CALN1: variants seen among roughly 807,000 people sequenced by gnomAD.
CALN1 encodes calcium-binding protein 8.
Under a neutral mutation model 30.6 loss-of-function variants are expected in CALN1, and 17 were observed. The observed-to-expected ratio is 0.56, with a 90% confidence interval of 0.38 to 0.83. CALN1 has a LOEUF of 0.83. Ranked by LOEUF, CALN1 falls within the 40% of genes least tolerant of loss-of-function variation. CALN1 has a pLI of 0.00. For synonymous variants in CALN1, 156 were observed against 131.4 expected, an observed-to-expected ratio of 1.19 and a Z score of -1.28; for missense variants, 291 against 354.9, an observed-to-expected ratio of 0.82 and a Z score of 1.45.
At chr7:72,360,386 G>A (rs1461992184) in intron 2 of CALN1, among the ~76,000 whole-genome samples, 1 of 151,926 alleles carries the variant, frequency 6.6e-6, no homozygotes, top group Non-Finnish European at 1.5e-5. Context: ...ATATACGGCT[G>A]TTTTTGGTAC....
At chr7:71,904,569 G>A (rs1441830428) in intron 5 of CALN1, among the ~76,000 whole-genome samples, 1 of 152,152 alleles carries the variant, frequency 6.6e-6, no homozygotes, top group East Asian at 1.9e-4. Flanking sequence ...GAGATGGGGA[G>A]ATACTGGTGA....
At chr7:72,151,081 C>T (rs1048629671) in intron 3 of CALN1, among the ~76,000 whole-genome samples, 7 of 152,152 alleles carry the variant, frequency 4.6e-5, no homozygotes, top group African/African-American at 1.7e-4. Context: ...GTAAGACGAT[C>T]CTGTATCCAT....
intron 3 of CALN1, among the ~76,000 whole-genome samples, chr7:72,262,373 C>A (rs995298369): frequency 3.3e-5 from 5 of 151,936 alleles, no homozygotes; most frequent in Non-Finnish European, 7.4e-5. Context: ...TTTTTAGATT[C>A]GGGGGTAACC....
chr7:72,289,160 C>T (rs1350137688), intron 2 of CALN1, among the ~76,000 whole-genome samples: 1 of 152,128 alleles, frequency 6.6e-6, no homozygotes, highest in Non-Finnish European at 1.5e-5. Context: ...ACTTGCTGTT[C>T]ACCTATTCAT....
intron 2 of CALN1, among the ~76,000 whole-genome samples, chr7:72,394,310 C>T (rs1339513784): frequency 6.6e-6 from 1 of 152,132 alleles, no homozygotes; most frequent in African/African-American, 2.4e-5. Flanking sequence ...AGCAATTTGA[C>T]AAAACCTAGC....
At chr7:72,381,030 T>C (rs867749332) in intron 2 of CALN1, among the ~76,000 whole-genome samples, 53 of 152,252 alleles carry the variant, frequency 3.5e-4, no homozygotes, top group African/African-American at 1.2e-3. Context: ...AATAAAAATG[T>C]ACAACAGAGG....
chr7:72,243,639 G>A (rs1246547922), intron 3 of CALN1, among the ~76,000 whole-genome samples: 4 of 152,054 alleles, frequency 2.6e-5, no homozygotes, highest in Non-Finnish European at 4.4e-5. Flanking sequence ...GGACTTAGTG[G>A]TTTCTCCTGT....
intron 3 of CALN1, among the ~76,000 whole-genome samples, chr7:72,216,535 A>T (rs1051934269): frequency 1.3e-5 from 2 of 152,140 alleles, no homozygotes; most frequent in Middle Eastern, 3.2e-3. Context: ...AGCGTAAGGT[A>T]CCCTGACCCT....
intron 2 of CALN1, among the ~76,000 whole-genome samples, chr7:72,279,584 G>C (rs1797594302): frequency 6.6e-6 from 1 of 152,220 alleles, no homozygotes; most frequent in Non-Finnish European, 1.5e-5. Flanking sequence ...ATGGGGCTTA[G>C]AAGTTTCCAC....
In CALN1 at chr7:72,165,431, C is replaced by T. The variant is rs142631852; in HGVS notation, c.245-59137G>A. Among the ~76,000 whole-genome samples the T allele has an allele frequency of 2.0e-4, 31 of 152,052 alleles. No individual in the cohort carries two copies. The Middle Eastern group carries it at 0.01, about 50-fold the overall frequency. On this transcript the variant is annotated intron_variant, in intron 3 of 6. Coordinates refer to ENST00000395275, the MANE Select transcript of CALN1 (RefSeq NM_031468.4). ...AATAAATTAGCCAGGCATGGTGGTG[C>T]ATGCCTCTAATCCCAGCACCCCAGC...
At chr7:72,317,637 C>T (rs1016673552) in intron 2 of CALN1, among the ~76,000 whole-genome samples, 2 of 152,112 alleles carry the variant, frequency 1.3e-5, no homozygotes, top group African/African-American at 2.4e-5. Context: ...ACCTGTGTGG[C>T]ACCTGGACAG....
intron 4 of CALN1, among the ~76,000 whole-genome samples, chr7:72,094,049 C>G (rs1806051154): frequency 6.6e-6 from 1 of 152,158 alleles, no homozygotes; most frequent in Non-Finnish European, 1.5e-5. Context: ...ATGCCTATTT[C>G]TTCAAGGTCT....
intron 6 of CALN1, among the ~76,000 whole-genome samples, chr7:71,804,925 G>T (rs956944530): frequency 6.6e-6 from 1 of 152,136 alleles, no homozygotes; most frequent in Non-Finnish European, 1.5e-5. Flanking sequence ...CCATGCCATT[G>T]CACTGGGCAA....
At chr7:72,035,625 A>G (rs1801749836) in intron 4 of CALN1, among the ~76,000 whole-genome samples, 1 of 151,868 alleles carries the variant, frequency 6.6e-6, no homozygotes, top group African/African-American at 2.4e-5. Flanking sequence ...TTTTATATCT[A>G]TTTTCTTTGT....
chr7:72,219,942 T>C (rs1251784806), intron 3 of CALN1, among the ~76,000 whole-genome samples: 6 of 150,558 alleles, frequency 4.0e-5, no homozygotes, highest in Non-Finnish European at 8.9e-5. Context: ...TAGCCTCCTA[T>C]AAAAAAAAAT....
chr7:72,429,759 C>G (rs868464587), intron 1 of CALN1, among the ~76,000 whole-genome samples: 1 of 119,556 alleles, frequency 8.4e-6, no homozygotes, highest in Admixed American at 8.7e-5. Flanking sequence ...ATATACACAT[C>G]TGTATATATA....
chr7:71,853,580 A>ATT (rs893799210), intron 5 of CALN1, among the ~76,000 whole-genome samples: 247 of 139,522 alleles, frequency 1.8e-3, no homozygotes, highest in African/African-American at 6.1e-3. Flanking sequence ...TGAAATTTTA[A>ATT]TTTTTTTTTT....
intron 5 of CALN1, among the ~76,000 whole-genome samples, chr7:71,848,264 C>A (rs1045206525): frequency 6.6e-6 from 1 of 152,164 alleles, no homozygotes; most frequent in Non-Finnish European, 1.5e-5. Context: ...GATAAAGTAT[C>A]CCCCTCAGAA....
At chr7:72,051,087 A>G (rs931592679) in intron 4 of CALN1, among the ~76,000 whole-genome samples, 8 of 151,726 alleles carry the variant, frequency 5.3e-5, no homozygotes, top group African/African-American at 1.9e-4. Flanking sequence ...TTAAAACTTT[A>G]GAAAAGTTAG....
Sources: gnomAD v4.1 joint callset for allele counts (sites outside exome capture counted in the v4.1 genomes callset) on GRCh38, gnomAD v4.1.1 for gene constraint, MANE v1.5 for transcripts, NCBI Gene and HGNC (gene_info 2026-07-23, HGNC 2026-07-21) for gene names.